The following SYCE1 variants were observed in gnomAD, a reference collection of about 807,000 sequenced individuals.
The protein encoded by SYCE1 is cancer/testis antigen 76.
Under a neutral mutation model 55.1 loss-of-function variants are expected in SYCE1, and 37 were observed. The ratio of observed to expected loss-of-function variants is 0.67; its 90% confidence interval spans 0.52 to 0.88. SYCE1 has a LOEUF of 0.88. Ranked by LOEUF, SYCE1 falls within the 40% of genes least tolerant of loss-of-function variation. The pLI, the probability that SYCE1 is intolerant of heterozygous loss-of-function variation, is 0.00. For synonymous variants in SYCE1, 163 were observed against 159.4 expected, an observed-to-expected ratio of 1.02 and a Z score of -0.17; for missense variants, 399 against 416.4, an observed-to-expected ratio of 0.96 and a Z score of 0.36.
rs755963804 is a variant in SYCE1 at position 133,555,857 on chromosome 10, G to A, written c.642C>T (p.Cys214=). ...AGGGGCCCTCAGCCCCACACAGGGA[G>A]CACAGCTGATGCTTCACGTCTTCCA... is the stretch of plus-strand genomic sequence containing the variant. ...ATLEDVKHQL[C]SLCGAEGPST... The change falls in exon 10 of 13, where the codon TGC becomes TGT. Residue 214 remains cysteine (C), a synonymous_variant. Transcript: ENST00000343131. 1 of 1,614,066 alleles carries A rather than the reference G, an allele frequency of 6.2e-7. No individual in the cohort carries two copies. Among genetic ancestry groups the A allele is most frequent in the East Asian group, 2.2e-5 (1 of 44,874 alleles).
intron 3 of SYCE1, 53 bp downstream of exon 3, chr10:133,559,248 C>T (rs961632583): frequency 1.9e-6 from 3 of 1,584,044 alleles, no homozygotes; most frequent in South Asian, 2.2e-5. Context: ...TGGCACTGAG[C>T]CCCGCAAACC....
At chr10:133,554,103 C>CTAT (rs1385871843), downstream of SYCE1, 8 of 505,824 alleles carry the variant, frequency 1.6e-5, no homozygotes, top group Non-Finnish European at 3.5e-6. Flanking sequence ...CCACTCAGTT[C>CTAT]AATATATTTT....
rs373991560 is a variant in SYCE1, at chr10:133,565,433, C to T, written c.73+24G>A. ...CTCGGCGAGGTCAGACCCTCACGCACAGTTCCCTGCCTCCCACCACTACCT... is the reference window on the plus strand; with the variant it reads ...CTCGGCGAGGTCAGACCCTCACGCATAGTTCCCTGCCTCCCACCACTACCT... On this transcript the variant is annotated intron_variant, in intron 1 of 12. Coordinates refer to ENST00000343131, the MANE Select transcript of SYCE1 (RefSeq NM_001143764.3). 571 of 1,541,742 alleles carry T rather than the reference C, an allele frequency of 3.7e-4. 6 individuals are homozygous for T. In the African/African-American group the frequency reaches 7.0e-3, roughly 19 times the overall value.
At chr10:133,559,910 T>A (rs1187972695) in intron 2 of SYCE1, 181 bp downstream of exon 2, 2 of 622,254 alleles carry the variant, frequency 3.2e-6, no homozygotes, top group Non-Finnish European at 5.6e-6. Context: ...TTCTATACCC[T>A]TTTGCTTCTT....
At chr10:133,565,713 AG>A (rs372471880), upstream of SYCE1, 329 of 583,926 alleles carry the variant, frequency 5.6e-4, 2 homozygotes, top group African/African-American at 6.1e-3. Context: ...TAAAGGCGCG[AG>A]GGCTACAAAC....
intron 1 of SYCE1, among the ~76,000 whole-genome samples, chr10:133,561,832 T>A (rs144483988): frequency 2.0e-4 from 30 of 152,264 alleles, no homozygotes; most frequent in African/African-American, 6.5e-4. Context: ...CAATTCTGAC[T>A]TGATCAAATC....
chr10:133,566,106 G>A (rs2133636413), upstream of SYCE1, among the ~76,000 whole-genome samples: 1 of 152,328 alleles, frequency 6.6e-6, no homozygotes, highest in East Asian at 1.9e-4. Context: ...GCCCACAGTG[G>A]CCGAGGCCGG....
rs1397365042 is a variant in SYCE1 at position 133,555,092 on chromosome 10, G to T, written c.956C>A (p.Ala319Asp). 9 of 1,551,174 alleles carry T rather than the reference G, an allele frequency of 5.8e-6. No individual in the cohort carries two copies. Among genetic ancestry groups the T allele is most frequent in the Non-Finnish European group, 7.8e-6 (9 of 1,146,880 alleles). ...PKPLKGERPG[A>D]AHQAGPDVLI... ...GACATCAGGCCCTGCTTGGTGTGCA[G>T]CTCCAGGTCTTTCTCCTTTTAGGGG... The change falls in exon 13 of 13, where the codon GCT becomes GAT. Residue 319 changes from alanine (A) to aspartate (D), a missense_variant. Coordinates refer to ENST00000343131, the MANE Select transcript of SYCE1 (RefSeq NM_001143764.3).
At chr10:133,565,091 G>A (rs1851895597) in intron 1 of SYCE1, among the ~76,000 whole-genome samples, 1 of 152,208 alleles carries the variant, frequency 6.6e-6, no homozygotes, top group Admixed American at 6.5e-5. Context: ...GACACTTGCT[G>A]GTTCTAGGGA....
Position 133,557,686 on chromosome 10 carries a change from A to C in SYCE1, c.374+178T>G, listed in dbSNP as rs914372947. 3 of 637,332 alleles carry C rather than the reference A, an allele frequency of 4.7e-6. No individual in the cohort carries two copies. In the African/African-American group the frequency reaches 5.5e-5, roughly 12 times the overall value. The allele number at this position is 637,332 out of a possible 1,614,324, so 39.5% of individuals were successfully genotyped here. A position where few individuals can be genotyped will look rare whatever the true frequency, so the allele number is the denominator to read the frequency against. ...CAAATGAATGTCTTGCCATTGAGAGAGTTTCCCTTAACACTACTGCCAGCT... is the reference window on the plus strand; with the variant it reads ...CAAATGAATGTCTTGCCATTGAGAGCGTTTCCCTTAACACTACTGCCAGCT... On this transcript the variant is annotated intron_variant, in intron 6 of 12. Transcript: ENST00000343131.
intron 6 of SYCE1, chr10:133,557,436 C>A: frequency 3.9e-6 from 2 of 509,772 alleles, no homozygotes. Flanking sequence ...TGTGCCAGGG[C>A]CTGGGGCCTC....
intron 2 of SYCE1, chr10:133,559,584 A>G: frequency 3.6e-6 from 2 of 550,620 alleles, no homozygotes; most frequent in Non-Finnish European, 6.6e-6. Flanking sequence ...AGAGAAATGA[A>G]GTAGGCCAAG....
chr10:133,561,537 G>A (rs193049409), intron 1 of SYCE1, among the ~76,000 whole-genome samples: 4 of 152,136 alleles, frequency 2.6e-5, no homozygotes, highest in Non-Finnish European at 5.9e-5. Context: ...GTTTGAACTC[G>A]CTCCCAACAG....
chr10:133,568,155 C>A, upstream of SYCE1: 2 of 884,112 alleles, frequency 2.3e-6, 1 homozygote, highest in Non-Finnish European at 3.6e-6. Flanking sequence ...AGGCACAGGC[C>A]GCCCGTGGGT....
intron 6 of SYCE1, 23 bp from the exon 7 acceptor site, chr10:133,557,179 C>A (rs2133617476): frequency 6.2e-7 from 1 of 1,608,014 alleles, no homozygotes; most frequent in Middle Eastern, 1.7e-4. Context: ...AGGCAGCCCT[C>A]AGCCATGTTC....
At chr10:133,554,629 ATCC>A (rs570591202), downstream of SYCE1, 617 of 718,780 alleles carry the variant, frequency 8.6e-4, 6 homozygotes, top group African/African-American at 9.6e-3. Flanking sequence ...CAGCTCACTG[ATCC>A]TCATTTTTAA....
intron 1 of SYCE1, among the ~76,000 whole-genome samples, chr10:133,562,095 G>A (rs998558085): frequency 6.6e-6 from 1 of 151,696 alleles, no homozygotes; most frequent in South Asian, 2.1e-4. Context: ...TTTTTTCCAT[G>A]ACAGCCTGGG....
chr10:133,557,943 A>G lies in SYCE1; in HGVS notation c.320-25T>C, dbSNP rs201125139. On this transcript the variant is annotated intron_variant, in intron 5 of 12. Coordinates refer to ENST00000343131, the MANE Select transcript of SYCE1 (RefSeq NM_001143764.3). ...TCTGTAGGGAGAGCAACAGGGCCCT[A>G]TGAGAACCTGTCAAGGTATTGGGTT... 3.9e-4 allele frequency: 626 copies of G among 1,613,742 alleles called. 9 individuals carry two copies. In the South Asian group the frequency reaches 4.2e-3, roughly 11 times the overall value.
At chr10:133,565,823 C>A (rs1443952745), upstream of SYCE1, among the ~76,000 whole-genome samples, 1 of 152,244 alleles carries the variant, frequency 6.6e-6, no homozygotes, top group African/African-American at 2.4e-5. Context: ...CCGAGGGGAC[C>A]GGCCCTGGTT....
Sources: allele counts gnomAD v4.1 joint callset (sites outside exome capture counted in the v4.1 genomes callset), GRCh38; gene constraint gnomAD v4.1.1; transcripts MANE v1.5; gene names NCBI Gene and HGNC (gene_info 2026-07-23, HGNC 2026-07-21).